Variants in DOCK3 observed in about 807,000 individuals in gnomAD.
The protein encoded by DOCK3 is dedicator of cytokinesis 3.
In DOCK3, 60 loss-of-function variants were observed where a neutral mutation model predicts 265.6. That is an observed-to-expected ratio of 0.23 (90% CI 0.18 to 0.28). The LOEUF (loss-of-function observed/expected upper bound fraction) is 0.28. DOCK3 is among the 10% of genes least tolerant of loss of function. The probability of loss-of-function intolerance (pLI) is 1.00; values close to 1 mark genes in which losing one functional copy is unlikely to be tolerated. For missense variants in DOCK3, 1,981 were observed against 2,594.3 expected (o/e 0.76, Z 5.14); for synonymous variants, 881 against 938.0 (o/e 0.94, Z 1.11).
chr3:50,778,622 C>A, intron 1 of DOCK3, 53 bp from the exon 2 acceptor site: 2 of 1,358,090 alleles, frequency 1.5e-6, no homozygotes, highest in Non-Finnish European at 1.0e-6. Flanking sequence ...TGACTCTGAC[C>A]ATGTCTCAGT....
At chr3:51,371,864 G>A (rs192990956) in intron 49 of DOCK3, among the ~76,000 whole-genome samples, 2 of 152,358 alleles carry the variant, frequency 1.3e-5, no homozygotes, top group East Asian at 3.9e-4. Flanking sequence ...CAGGCTGTGA[G>A]CTCCATGAGG....
intron 23 of DOCK3, among the ~76,000 whole-genome samples, chr3:51,267,135 T>C (rs1676470621): frequency 6.6e-6 from 1 of 152,156 alleles, no homozygotes; most frequent in Non-Finnish European, 1.5e-5. Flanking sequence ...CTCACACTAG[T>C]TAGAATGGCG....
intron 12 of DOCK3, among the ~76,000 whole-genome samples, chr3:51,199,984 G>C (rs1428977627): frequency 3.9e-5 from 6 of 152,298 alleles, no homozygotes; most frequent in Middle Eastern, 3.4e-3. Flanking sequence ...CCGTCTGTTA[G>C]AAGGAAAACT....
At chr3:51,016,676 T>TTTTTATATCATATAATATATAAATATATA (rs2079292047) in intron 5 of DOCK3, among the ~76,000 whole-genome samples, 1 of 33,168 alleles carries the variant, frequency 3.0e-5, no homozygotes, top group African/African-American at 9.4e-5. Flanking sequence ...ATGATATATA[T>TTTTTATATCATATAATATATAAATATATA]TTATATATCA....
At chr3:51,327,604 T>G (rs1340051248) in intron 32 of DOCK3, among the ~76,000 whole-genome samples, 2 of 151,926 alleles carry the variant, frequency 1.3e-5, no homozygotes, top group Non-Finnish European at 2.9e-5. Flanking sequence ...TCTAGATTTC[T>G]CCTAATAACT....
intron 1 of DOCK3, among the ~76,000 whole-genome samples, chr3:50,758,844 T>G (rs2040355583): frequency 6.6e-6 from 1 of 152,230 alleles, no homozygotes; most frequent in Non-Finnish European, 1.5e-5. Context: ...AAGTTGAGGA[T>G]CATCTATAGT....
At chr3:51,236,505 T>C (rs924325168) in intron 20 of DOCK3, 77 bp downstream of exon 20, 12 of 1,280,180 alleles carry the variant, frequency 9.4e-6, no homozygotes, top group African/African-American at 1.5e-5. Context: ...GGAAGCAATT[T>C]ATTAGAGTGA....
In DOCK3 at chr3:51,381,067, C is replaced by T. The variant is rs35115622; in HGVS notation, c.5601C>T (p.Ile1867=). The change falls in exon 53 of 53, where the codon ATC becomes ATT. Residue 1867 remains isoleucine (I), a synonymous_variant. Transcript: ENST00000266037. The surrounding 1 kb of genome is among the most constrained non-coding windows in gnomAD (Gnocchi z 5.6). The part of the protein sequence containing the change: ...RTLRKSPLHP[I]PASPTSPQSG... ...CTTCGCAGTCTCCTCTCCACCCTAT[C>T]CCAGCCTCCCCCACAAGCCCCCAGT... 6.4e-5 allele frequency: 103 copies of T among 1,603,268 alleles called. No individual in the cohort carries two copies. The Middle Eastern group carries it at 2.5e-3, about 39-fold the overall frequency.
chr3:51,375,260 G>A (rs538029284), intron 50 of DOCK3, among the ~76,000 whole-genome samples: 7 of 152,226 alleles, frequency 4.6e-5, no homozygotes, highest in Non-Finnish European at 7.3e-5. Context: ...GCCAGGTAGA[G>A]GGATGAGATC....
chr3:51,116,953 T>C (rs1332877767), intron 9 of DOCK3, among the ~76,000 whole-genome samples: 1 of 152,168 alleles, frequency 6.6e-6, no homozygotes, highest in African/African-American at 2.4e-5. Context: ...ATATCCTTTA[T>C]TTGTTTCTCT....
intron 14 of DOCK3, among the ~76,000 whole-genome samples, chr3:51,223,111 A>C (rs892230474): frequency 6.6e-6 from 1 of 152,078 alleles, no homozygotes; most frequent in Admixed American, 6.6e-5. Context: ...GCTAATTTTA[A>C]AAAATTTGTT....
At chr3:51,325,543 C>T (rs1294997387) in intron 32 of DOCK3, among the ~76,000 whole-genome samples, 4 of 152,156 alleles carry the variant, frequency 2.6e-5, no homozygotes, top group Non-Finnish European at 1.5e-5. Context: ...ACCATTTGAT[C>T]CAGCAATCAC....
chr3:51,186,572 CA>C (rs2087614912), intron 12 of DOCK3, among the ~76,000 whole-genome samples: 1 of 152,164 alleles, frequency 6.6e-6, no homozygotes, highest in African/African-American at 2.4e-5. Context: ...GTCTCCAGGG[CA>C]TGTCAGAGAT....
chr3:50,987,026 A>C (rs1428945668), intron 5 of DOCK3, among the ~76,000 whole-genome samples: 1 of 152,204 alleles, frequency 6.6e-6, no homozygotes, highest in Non-Finnish European at 1.5e-5. Context: ...CCTGGTATTT[A>C]TGTTTTTCAG....
At chr3:51,008,231 C>T (rs1266819262) in intron 5 of DOCK3, among the ~76,000 whole-genome samples, 7 of 152,154 alleles carry the variant, frequency 4.6e-5, no homozygotes, top group East Asian at 1.9e-4. Context: ...GCCATTTTCA[C>T]GATATGGATT....
At chr3:51,335,982 A>G (rs1037511245) in intron 35 of DOCK3, among the ~76,000 whole-genome samples, 1 of 148,728 alleles carries the variant, frequency 6.7e-6, no homozygotes, top group Non-Finnish European at 1.5e-5. Flanking sequence ...ACAAAATGAG[A>G]CCCTGTCTCA....
chr3:50,966,601 A>G (rs935244950), intron 5 of DOCK3, among the ~76,000 whole-genome samples: 4 of 150,840 alleles, frequency 2.7e-5, no homozygotes, highest in African/African-American at 9.8e-5. Context: ...GATACTGAAC[A>G]CCTTTTCATA....
At chr3:51,210,728 T>A (rs1167479343) in intron 13 of DOCK3, among the ~76,000 whole-genome samples, 1 of 152,258 alleles carries the variant, frequency 6.6e-6, no homozygotes, top group African/African-American at 2.4e-5. Context: ...TTATTAAAAA[T>A]TAGTTTACTT....
chr3:51,197,943 C>G (rs1373300237), intron 12 of DOCK3, among the ~76,000 whole-genome samples: 2 of 152,360 alleles, frequency 1.3e-5, no homozygotes, highest in East Asian at 3.9e-4. Context: ...TTTTACCCCA[C>G]TTGCATCCCA....
Sources: gnomAD v4.1 joint callset for allele counts (sites outside exome capture counted in the v4.1 genomes callset) on GRCh38, gnomAD v4.1.1 for gene constraint, Gnocchi (gnomAD v3.1) non-coding constraint, MANE v1.5 for transcripts, NCBI Gene and HGNC (gene_info 2026-07-23, HGNC 2026-07-21) for gene names.